LRRC37A2: variants seen among roughly 807,000 people sequenced by gnomAD.
LRRC37A2 encodes leucine-rich repeat-containing protein 37A2.
In LRRC37A2, 9 loss-of-function variants were observed where a neutral mutation model predicts 68.8. That is an observed-to-expected ratio of 0.13 (90% CI 0.08 to 0.23). The LOEUF (loss-of-function observed/expected upper bound fraction) is 0.23, where lower values mean the gene tolerates loss of function less well. LRRC37A2 is among the 10% of genes least tolerant of loss of function. LRRC37A2 has a pLI of 1.00. For missense variants in LRRC37A2, 168 were observed against 950.4 expected (o/e 0.18, Z 10.82); for synonymous variants, 63 against 367.6 (o/e 0.17, Z 9.48).
chr17:46,932,995 C>T, the LRRC37A2 span: 1 of 152,290 alleles, frequency 6.6e-6, no homozygotes, highest in Non-Finnish European at 1.5e-5. Context: ...TGCATCCTTG[C>T]TTTGCAATAA....
the LRRC37A2 span, among the ~76,000 whole-genome samples, chr17:46,758,927 C>T: frequency 2.6e-5 from 4 of 152,142 alleles, no homozygotes; most frequent in African/African-American, 4.8e-5. Context: ...TGGGGGCAGC[C>T]GGGCGCAGTA....
chr17:46,896,452 A>AAAAAAG, the LRRC37A2 span, among the ~76,000 whole-genome samples: 1 of 65,834 alleles, frequency 1.5e-5, no homozygotes, highest in Non-Finnish European at 3.2e-5. Context: ...GAAAGAAAGA[A>AAAAAAG]AAAGAAAGAA....
At chr17:46,749,715 G>A in the LRRC37A2 span, 113 of 1,470,512 alleles carry the variant, frequency 7.7e-5, no homozygotes, top group African/African-American at 1.4e-3. Flanking sequence ...CAAGCTTACT[G>A]TAGTTTCCTA....
the LRRC37A2 span, chr17:46,755,353 T>G: frequency 6.2e-7 from 1 of 1,613,688 alleles, no homozygotes; most frequent in East Asian, 2.2e-5. Context: ...CTTGGCCCTC[T>G]TAAGAGAAGA....
the LRRC37A2 span, among the ~76,000 whole-genome samples, chr17:46,766,350 G>A: frequency 6.6e-6 from 1 of 152,076 alleles, no homozygotes; most frequent in Non-Finnish European, 1.5e-5. Context: ...GGAGGTTACA[G>A]TGAGCCGAGA....
At chr17:46,732,797 G>A in the LRRC37A2 span, among the ~76,000 whole-genome samples, 4 of 152,132 alleles carry the variant, frequency 2.6e-5, no homozygotes, top group African/African-American at 9.7e-5. Context: ...AGAAGAGATC[G>A]AGAGGGGATA....
chr17:46,712,682 G>A, the LRRC37A2 span, among the ~76,000 whole-genome samples: 1 of 152,174 alleles, frequency 6.6e-6, no homozygotes, highest in Non-Finnish European at 1.5e-5. Context: ...CCATGGGAGT[G>A]AACGAAATCA....
the LRRC37A2 span, among the ~76,000 whole-genome samples, chr17:46,798,900 T>C: frequency 1.3e-5 from 2 of 151,852 alleles, no homozygotes; most frequent in Non-Finnish European, 2.9e-5. Flanking sequence ...ATACAAAAAT[T>C]GGCCAGGCAT....
At chr17:46,917,062 AC>A in the LRRC37A2 span, 1 of 152,192 alleles carries the variant, frequency 6.6e-6, no homozygotes, top group Non-Finnish European at 1.5e-5. Context: ...TGGGGGGGAC[AC>A]ATTCAAAGCA....
chr17:46,735,157 T>G, the LRRC37A2 span, among the ~76,000 whole-genome samples: 2 of 152,228 alleles, frequency 1.3e-5, no homozygotes, highest in African/African-American at 2.4e-5. Context: ...TGTTTTGGTT[T>G]TGGTAGAGCA....
At chr17:46,782,537 A>AG in the LRRC37A2 span, among the ~76,000 whole-genome samples, 3 of 152,264 alleles carry the variant, frequency 2.0e-5, no homozygotes, top group African/African-American at 7.2e-5. Flanking sequence ...GCAGGAAGTG[A>AG]GGAACCAAGC....
At chr17:46,760,190 G>T in the LRRC37A2 span, among the ~76,000 whole-genome samples, 1 of 152,146 alleles carries the variant, frequency 6.6e-6, no homozygotes, top group South Asian at 2.1e-4. Context: ...AGCCCAGGGG[G>T]TCAAGGCTGT....
At chr17:46,766,614 G>A in the LRRC37A2 span, among the ~76,000 whole-genome samples, 4 of 152,242 alleles carry the variant, frequency 2.6e-5, no homozygotes, top group South Asian at 8.3e-4. Context: ...CACCAGGACA[G>A]AACTTGAGCT....
chr17:46,796,000 T>A, the LRRC37A2 span, among the ~76,000 whole-genome samples: 2 of 151,926 alleles, frequency 1.3e-5, no homozygotes, highest in African/African-American at 4.8e-5. Context: ...AAAAAAGAAC[T>A]GATCAGGTTG....
chr17:46,491,334 G>T, the LRRC37A2 span, among the ~76,000 whole-genome samples: 2 of 148,878 alleles, frequency 1.3e-5, no homozygotes, highest in African/African-American at 5.2e-5. Context: ...ACTTCTAGTT[G>T]AAAACTCATT....
chr17:46,534,342 CG>C (rs2054232280), intron 6 of LRRC37A2, among the ~76,000 whole-genome samples: 1 of 131,400 alleles, frequency 7.6e-6, no homozygotes, highest in Non-Finnish European at 1.7e-5. Flanking sequence ...GAGGACCCTG[CG>C]GCCTTCCACA....
At chr17:46,874,670 C>A in the LRRC37A2 span, among the ~76,000 whole-genome samples, 2 of 152,144 alleles carry the variant, frequency 1.3e-5, no homozygotes, top group Non-Finnish European at 2.9e-5. Flanking sequence ...CTCCACCTTC[C>A]GGGTTCAAGT....
chr17:46,778,402 C>T, the LRRC37A2 span, among the ~76,000 whole-genome samples: 2 of 152,140 alleles, frequency 1.3e-5, no homozygotes, highest in Non-Finnish European at 2.9e-5. Context: ...GGTCATCCTG[C>T]GAGTAATTAG....
chr17:46,485,895 C>T, the LRRC37A2 span, among the ~76,000 whole-genome samples: 1 of 88,258 alleles, frequency 1.1e-5, no homozygotes, highest in East Asian at 2.5e-4. Context: ...AGGAGAATGG[C>T]GTGAACCTGG....
Sources: allele counts gnomAD v4.1 joint callset (sites outside exome capture counted in the v4.1 genomes callset), GRCh38; gene constraint gnomAD v4.1.1; transcripts MANE v1.5; gene names NCBI Gene and HGNC (gene_info 2026-07-23, HGNC 2026-07-21).